AKT3: variants seen among roughly 807,000 people sequenced by gnomAD.
AKT3 encodes AKT serine/threonine kinase 3.
Under a neutral mutation model 65.3 loss-of-function variants are expected in AKT3, and 15 were observed. That is an observed-to-expected ratio of 0.23 (90% CI 0.15 to 0.35). The LOEUF is 0.35. Among genes scored for constraint, AKT3 ranks in the 10% least tolerant of loss-of-function variants. The pLI is 1.00. For missense variants in AKT3, 243 were observed against 576.5 expected (o/e 0.42, Z 5.92); for synonymous variants, 206 against 183.8 (o/e 1.12, Z -0.98).
At chr1:243,772,632 T>C (rs1690261182) in intron 2 of AKT3, among the ~76,000 whole-genome samples, 1 of 152,194 alleles carries the variant, frequency 6.6e-6, no homozygotes, top group Non-Finnish European at 1.5e-5. Flanking sequence ...AGTGTGGCGA[T>C]TCCTCAGAGA....
rs188547995 is a variant in AKT3 at position 243,639,205 on chromosome 1, C to T, written c.430-1463G>A. Reference sequence around the variant, plus strand: ...TGAAAGAAACAGATAACTTGATAACCCCATATTTATTAAGAAAAATTGAGT... The same window carrying T: ...TGAAAGAAACAGATAACTTGATAACTCCATATTTATTAAGAAAAATTGAGT... On this transcript the variant is annotated intron_variant, in intron 5 of 13. Coordinates refer to ENST00000673466, the MANE Select transcript of AKT3 (RefSeq NM_005465.7). Among the ~76,000 whole-genome samples the T allele has an allele frequency of 2.4e-4, 37 of 152,170 alleles. No individual in the cohort carries two copies. The East Asian group carries it at 6.6e-3, about 27-fold the overall frequency.
At chr1:243,645,698 G>T (rs1461723938) in intron 5 of AKT3, among the ~76,000 whole-genome samples, 195 bp downstream of exon 5, 1 of 152,194 alleles carries the variant, frequency 6.6e-6, no homozygotes, top group Non-Finnish European at 1.5e-5. Flanking sequence ...GTGCTAAAGT[G>T]CTGGATCACT....
At chr1:243,843,415 G>A (rs1190617944) in intron 1 of AKT3, 133 bp from the exon 2 acceptor site, 1 of 1,115,766 alleles carries the variant, frequency 9.0e-7, no homozygotes, top group Non-Finnish European at 1.1e-6. Flanking sequence ...TCAAACTGGG[G>A]AACTTATTTA....
chr1:243,794,615 G>A (rs1691837981), intron 2 of AKT3, among the ~76,000 whole-genome samples: 1 of 152,150 alleles, frequency 6.6e-6, no homozygotes, highest in Non-Finnish European at 1.5e-5. Flanking sequence ...CTACTCCTAT[G>A]AAATGTTGGC....
At chr1:243,685,794 T>C (rs1209152770) in intron 3 of AKT3, among the ~76,000 whole-genome samples, 1 of 152,114 alleles carries the variant, frequency 6.6e-6, no homozygotes, top group Non-Finnish European at 1.5e-5. Flanking sequence ...GGGATTCAAA[T>C]AGGAAGAGAG....
At chr1:243,539,769 A>G (rs1672184035) in intron 12 of AKT3, among the ~76,000 whole-genome samples, 1 of 152,114 alleles carries the variant, frequency 6.6e-6, no homozygotes, top group Non-Finnish European at 1.5e-5. Context: ...GGGAATTAAA[A>G]CTCTTTTGAA....
In AKT3 at chr1:243,508,441, G is replaced by A. The variant is rs369904265; in HGVS notation, c.1355-3107C>T. Among the ~76,000 whole-genome samples, 52 of 152,254 alleles carry A rather than the reference G, an allele frequency of 3.4e-4. No individual in the cohort carries two copies. In the East Asian group the frequency reaches 7.8e-3, roughly 23 times the overall value. On this transcript the variant is annotated intron_variant, in intron 13 of 13. Transcript: ENST00000673466. ...ATGCGTCGATGCTAGTCTTTGCCTG[G>A]GCATACTCTGCTGAGCTCTTCCGTC... is the stretch of plus-strand genomic sequence containing the variant.
chr1:243,691,241 A>C (rs1684671517), intron 3 of AKT3, among the ~76,000 whole-genome samples: 1 of 152,216 alleles, frequency 6.6e-6, no homozygotes, highest in Non-Finnish European at 1.5e-5. Flanking sequence ...AATTATAAAC[A>C]GTTCAGTATT....
intron 2 of AKT3, among the ~76,000 whole-genome samples, chr1:243,758,616 G>A (rs1437693437): frequency 1.3e-5 from 2 of 152,166 alleles, no homozygotes; most frequent in Non-Finnish European, 2.9e-5. Flanking sequence ...GAAGAGGTAG[G>A]GGGAGAAGGT....
upstream of AKT3, chr1:243,850,902 C>A (rs1695757559): frequency 6.6e-6 from 1 of 152,102 alleles, no homozygotes; most frequent in Non-Finnish European, 1.5e-5. Context: ...ACCCGAGGCC[C>A]GGGAGCGGAG....
At chr1:243,621,288 G>T (rs1678728537) in intron 6 of AKT3, among the ~76,000 whole-genome samples, 1 of 152,164 alleles carries the variant, frequency 6.6e-6, no homozygotes, top group South Asian at 2.1e-4. Flanking sequence ...TTCCTACTCA[G>T]AAGAGAAGCC....
At chr1:243,844,012 T>C (rs1253327084) in intron 1 of AKT3, among the ~76,000 whole-genome samples, 7 of 152,188 alleles carry the variant, frequency 4.6e-5, no homozygotes, top group Non-Finnish European at 1.0e-4. Context: ...GTATTCTTAC[T>C]CTGCCTGTTC....
At chr1:243,776,521 G>C (rs989451077) in intron 2 of AKT3, among the ~76,000 whole-genome samples, 1 of 152,134 alleles carries the variant, frequency 6.6e-6, no homozygotes, top group South Asian at 2.1e-4. Context: ...GCCAGAAAGA[G>C]AGCCCTCACC....
chr1:243,792,420 A>T (rs892362820), intron 2 of AKT3, among the ~76,000 whole-genome samples: 1 of 152,182 alleles, frequency 6.6e-6, no homozygotes, highest in Admixed American at 6.5e-5. Flanking sequence ...TGCTGACAAG[A>T]TATTATGGAA....
intron 6 of AKT3, among the ~76,000 whole-genome samples, chr1:243,629,779 G>C (rs1393854639): frequency 6.6e-6 from 1 of 152,166 alleles, no homozygotes; most frequent in Non-Finnish European, 1.5e-5. Flanking sequence ...GCGACTGAGT[G>C]AGACTTTGTC....
chr1:243,655,480 A>T (rs1681706851), intron 4 of AKT3, among the ~76,000 whole-genome samples: 1 of 151,840 alleles, frequency 6.6e-6, no homozygotes, highest in South Asian at 2.1e-4. Flanking sequence ...TTGGCCACAT[A>T]GTGTTGAATT....
At chr1:243,586,875 T>C (rs539077281) in intron 8 of AKT3, among the ~76,000 whole-genome samples, 20 of 150,494 alleles carry the variant, frequency 1.3e-4, no homozygotes, top group Non-Finnish European at 2.2e-4. Flanking sequence ...GAATTTAAAA[T>C]AAAAGTTGAA....
chr1:243,781,090 A>T (rs1024206023), intron 2 of AKT3, among the ~76,000 whole-genome samples: 1 of 152,122 alleles, frequency 6.6e-6, no homozygotes, highest in Non-Finnish European at 1.5e-5. Flanking sequence ...CTGTTAATAG[A>T]GCTATACAGC....
chr1:243,573,741 A>G (rs969084214), intron 8 of AKT3, among the ~76,000 whole-genome samples: 3 of 152,124 alleles, frequency 2.0e-5, no homozygotes, highest in African/African-American at 7.2e-5. Context: ...TTCTCATATT[A>G]TCACTAAAAC....
Sources: gnomAD v4.1 joint callset for allele counts (sites outside exome capture counted in the v4.1 genomes callset) on GRCh38, gnomAD v4.1.1 for gene constraint, MANE v1.5 for transcripts, NCBI Gene and HGNC (gene_info 2026-07-23, HGNC 2026-07-21) for gene names.